Variants in LAMB1 observed in about 807,000 individuals in gnomAD.
The protein encoded by LAMB1 is laminin subunit beta 1.
LAMB1 carries 121 observed loss-of-function variants against 222.3 expected under a neutral mutation model. That is an observed-to-expected ratio of 0.54 (90% confidence interval 0.47 to 0.63). LAMB1 has a LOEUF of 0.63. Ranked by LOEUF, LAMB1 falls within the 30% of genes least tolerant of loss-of-function variation. The pLI is 0.00. For missense variants in LAMB1, 2,172 were observed against 2,240.8 expected (o/e 0.97, Z 0.62); for synonymous variants, 794 against 807.2 (o/e 0.98, Z 0.28).
At chr7:107,967,391 C>T (rs1275594407) in intron 13 of LAMB1, among the ~76,000 whole-genome samples, 1 of 152,232 alleles carries the variant, frequency 6.6e-6, no homozygotes, top group Non-Finnish European at 1.5e-5. Context: ...TCTTCCTCTT[C>T]TGCCTAGTCC....
rs1466981020 is a variant in LAMB1 at position 107,962,938 on chromosome 7, C to T, written c.1824G>A (p.Met608Ile). Residue 608 changes from methionine (M) to isoleucine (I), a missense_variant, in exon 15 of 34, where the codon ATG becomes ATA. By Grantham distance (10) the Met-to-Ile change is conservative. Transcript: ENST00000222399. ...CGTAGCGAATTAGGATGTCGTACTCCATGGAATATGGTATGTTGTCAATGA... is the reference window on the plus strand; with the variant it reads ...CGTAGCGAATTAGGATGTCGTACTCTATGGAATATGGTATGTTGTCAATGA... ...EFFIDNIPYS[M>I]EYDILIRYEP... The T allele has an allele frequency of 1.2e-6, 2 of 1,613,766 alleles. No homozygotes were observed. Among genetic ancestry groups the T allele is most frequent in the South Asian group, 2.2e-5 (2 of 91,062 alleles).
intron 7 of LAMB1, among the ~76,000 whole-genome samples, chr7:107,981,037 C>T (rs551223964): frequency 6.6e-6 from 1 of 152,222 alleles, no homozygotes; most frequent in East Asian, 1.9e-4. Context: ...GTCGGCCGGG[C>T]GTGGTAGCTC....
intron 24 of LAMB1, chr7:107,942,662 A>C (rs1270783329): frequency 6.6e-6 from 1 of 152,220 alleles, no homozygotes; most frequent in East Asian, 1.9e-4. Flanking sequence ...ACTGCTTTCA[A>C]GATAAAATAA....
At chr7:107,959,927 C>T in intron 18 of LAMB1, 93 bp from the exon 19 acceptor site, 1 of 1,467,224 alleles carries the variant, frequency 6.8e-7, no homozygotes, top group Non-Finnish European at 9.1e-7. Context: ...TTGGATTATT[C>T]AGAGTTCTGG....
chr7:107,935,347 GTTTTTTTTTTTTTTTT>G (rs200599445), intron 27 of LAMB1, 52 bp downstream of exon 27: 20 of 1,173,158 alleles, frequency 1.7e-5, no homozygotes, highest in South Asian at 4.4e-5. Context: ...GTTTTTCTTT[GTTTTTTTTTTTTTTTT>G]TTTTTTTTTT....
At chr7:107,928,418 A>G (rs374889102) in intron 31 of LAMB1, among the ~76,000 whole-genome samples, 5 of 152,332 alleles carry the variant, frequency 3.3e-5, no homozygotes, top group African/African-American at 9.6e-5. Flanking sequence ...AAGCTGCTTT[A>G]TAACATCAGG....
Position 108,000,316 on chromosome 7 carries a change from T to G in LAMB1, c.213+1242A>C, listed in dbSNP as rs535407869. Among the ~76,000 whole-genome samples the G allele has an allele frequency of 3.3e-4, 50 of 152,320 alleles. 2 individuals carry two copies. In the South Asian group the frequency reaches 6.6e-3, roughly 20 times the overall value. ...ATGAACGGAATCCACTTTACCACAT[T>G]CCTTTGGTCTAATTGATCAGGTCTC... On this transcript the variant is annotated intron_variant, in intron 3 of 33. Transcript: ENST00000222399.
rs762561406 is a variant in LAMB1, at chr7:107,975,001, A to G, written c.1467T>C (p.His489=). 2 of 1,598,028 alleles carry G rather than the reference A, an allele frequency of 1.3e-6. No homozygotes were observed. The highest frequency in any genetic ancestry group is 3.3e-5 in the Admixed American group (2 of 60,008). The change falls in exon 12 of 34, where the codon CAT becomes CAC. Residue 489 remains histidine, a synonymous_variant. Transcript: ENST00000222399. The part of the protein sequence containing the change: ...CYCKRLVTGQ[H]CDQCLPEHWG... The stretch of plus-strand genomic sequence containing the variant: ...ATTTACTTACCAGGCACTGGTCACA[A>G]TGCTGTCCTGTCACCAGACGCTTGC...
chr7:107,950,810 T>C (rs990574437), intron 24 of LAMB1, among the ~76,000 whole-genome samples: 2 of 152,174 alleles, frequency 1.3e-5, no homozygotes, highest in Admixed American at 6.5e-5. Context: ...ATCAAGGAAG[T>C]TGGCCACAAA....
chr7:107,960,141 G>C (rs2033466328), intron 18 of LAMB1, among the ~76,000 whole-genome samples: 2 of 152,110 alleles, frequency 1.3e-5, no homozygotes, highest in African/African-American at 4.8e-5. Flanking sequence ...ATACATTTCA[G>C]GTATTTGATG....
rs781207392 is a variant in LAMB1, at chr7:107,953,511, G to A, written c.3079+19C>T. ...TGGAAGTCATTCTAAGAAGTGGGCA[G>A]AATAAATGTGCATCTTACTTCGACA... On this transcript the variant is annotated intron_variant, in intron 22 of 33. Transcript: ENST00000222399. The A allele has an allele frequency of 1.3e-6, 2 of 1,549,162 alleles. No homozygotes were observed. The highest frequency in any genetic ancestry group is 1.8e-6 in the Non-Finnish European group (2 of 1,120,964).
chr7:107,940,304 C>G lies in LAMB1; in HGVS notation c.3446G>C (p.Gly1149Ala), dbSNP rs779579592. The G allele has an allele frequency of 6.2e-7, 1 of 1,614,226 alleles. No individual in the cohort carries two copies. Among genetic ancestry groups the G allele is most frequent in the Non-Finnish European group, 8.5e-7 (1 of 1,180,032 alleles). Residue 1149 changes from glycine to alanine, a missense_variant, in exon 25 of 34, where the codon GGC becomes GCC. Gly to Ala is a moderately conservative substitution (Grantham distance 60, BLOSUM62 0). Transcript: ENST00000222399. ...AACACCCTCAACGCAGACACACTGG[C>G]CCGTGGACTGGTCACACTGTGGCGT... ...IETPQCDQST[G>A]QCVCVEGVEG...
intron 7 of LAMB1, among the ~76,000 whole-genome samples, chr7:107,982,653 G>T (rs1332235430): frequency 6.6e-6 from 1 of 152,050 alleles, no homozygotes; most frequent in Non-Finnish European, 1.5e-5. Flanking sequence ...AGAAACCCTT[G>T]AACTGACCTT....
chr7:107,935,395 G>T lies in LAMB1; in HGVS notation c.4188+20C>A. Reference sequence around the variant, plus strand: ...TTTTGCTTGGCACCATAGCAGTAAGGCCACATCCCCAAACCTTACCATTTC... The same window carrying T: ...TTTTGCTTGGCACCATAGCAGTAAGTCCACATCCCCAAACCTTACCATTTC... On this transcript the variant is annotated intron_variant, in intron 27 of 33. Coordinates refer to ENST00000222399, the MANE Select transcript of LAMB1 (RefSeq NM_002291.3). The T allele has an allele frequency of 7.1e-7, 1 of 1,402,250 alleles. No individual in the cohort carries two copies. Among genetic ancestry groups the T allele is most frequent in the Non-Finnish European group, 9.8e-7 (1 of 1,021,842 alleles). 86.9% of individuals were successfully genotyped at this position (1,402,250 alleles called of 1,614,324 possible).
At chr7:107,933,888 C>T (rs2032772210) in intron 27 of LAMB1, among the ~76,000 whole-genome samples, 1 of 152,158 alleles carries the variant, frequency 6.6e-6, no homozygotes, top group African/African-American at 2.4e-5. Flanking sequence ...CCATGCATCT[C>T]CCTGCCGCCC....
intron 5 of LAMB1, among the ~76,000 whole-genome samples, chr7:107,991,394 CCTGA>C (rs922035275): frequency 6.6e-6 from 1 of 152,078 alleles, no homozygotes; most frequent in African/African-American, 2.4e-5. Flanking sequence ...TTGAGACCAG[CCTGA>C]CTAACATGGT....
rs756798281 is a variant in LAMB1 at position 107,923,976 on chromosome 7, A to G, written c.5336T>C (p.Val1779Ala). 36 of 1,609,722 alleles carry G rather than the reference A, an allele frequency of 2.2e-5. No homozygotes were observed. The highest frequency in any genetic ancestry group is 2.9e-5 in the Non-Finnish European group (34 of 1,178,950). ...TTACAAGCATGTGCTATACACAGCA[A>G]CTTTCTGGCTTATATCCTTTAGGAG... is the stretch of plus-strand genomic sequence containing the variant. ...RSLLKDISQK[V>A]AVYSTCL Residue 1779 changes from valine to alanine, a missense_variant, in exon 34 of 34, where the codon GTT (valine) becomes GCT (alanine). Coordinates refer to ENST00000222399, the MANE Select transcript of LAMB1 (RefSeq NM_002291.3).
At chr7:107,953,228 G>C (rs758098471) in intron 22 of LAMB1, among the ~76,000 whole-genome samples, 1 of 152,122 alleles carries the variant, frequency 6.6e-6, no homozygotes, top group African/African-American at 2.4e-5. Flanking sequence ...ATGGTGGGGG[G>C]TGCCTGCAAT....
At chr7:107,960,400 C>T in intron 18 of LAMB1, 45 bp downstream of exon 18, 1 of 1,492,732 alleles carries the variant, frequency 6.7e-7, no homozygotes, top group Non-Finnish European at 9.3e-7. Flanking sequence ...CAGATATACT[C>T]AGAGCCAGAA....
Sources: gnomAD v4.1 joint callset for allele counts (sites outside exome capture counted in the v4.1 genomes callset) on GRCh38, gnomAD v4.1.1 for gene constraint, MANE v1.5 for transcripts, NCBI Gene and HGNC (gene_info 2026-07-23, HGNC 2026-07-21) for gene names.